Variants in PXDNL observed in about 807,000 individuals in gnomAD.
PXDNL encodes peroxidasin like.
Under a neutral mutation model 150.8 loss-of-function variants are expected in PXDNL, and 145 were observed. That is an observed-to-expected ratio of 0.96 (90% confidence interval 0.84 to 1.10). The LOEUF is 1.10. PXDNL is among the 50% of genes least tolerant of loss of function. PXDNL has a pLI of 0.00. For synonymous variants in PXDNL, 757 were observed against 725.7 expected (o/e 1.04, Z -0.69); for missense variants, 2,087 against 1,873.9 (o/e 1.11, Z -2.10).
chr8:51,550,760 A>C lies in PXDNL; in HGVS notation c.380+6080T>G, dbSNP rs1336648617. ...CACTACCCCTGAGAACTGGAACAAG[A>C]CAAGGAGGCTCACTTTCACCACTTT... On this transcript the variant is annotated intron_variant, in intron 4 of 22. Coordinates refer to ENST00000356297, the MANE Select transcript of PXDNL (RefSeq NM_144651.5). 2.6e-5 allele frequency among the ~76,000 whole-genome samples: 4 copies of C among 152,168 alleles called. No homozygotes were observed. The South Asian group carries it at 8.3e-4, about 32-fold the overall frequency.
intron 4 of PXDNL, among the ~76,000 whole-genome samples, chr8:51,546,224 T>C (rs951915203): frequency 6.6e-6 from 1 of 152,170 alleles, no homozygotes; most frequent in Non-Finnish European, 1.5e-5. Flanking sequence ...TGAACATGCA[T>C]TCCCACTGGG....
At chr8:51,430,346 C>T (rs1809220450) in intron 12 of PXDNL, among the ~76,000 whole-genome samples, 4 of 152,130 alleles carry the variant, frequency 2.6e-5, no homozygotes, top group Admixed American at 1.3e-4. Flanking sequence ...TTAAAAGATC[C>T]AATCCTTCAG....
At chr8:51,516,898 G>C (rs1301005522) in intron 4 of PXDNL, among the ~76,000 whole-genome samples, 1 of 152,128 alleles carries the variant, frequency 6.6e-6, no homozygotes, top group Non-Finnish European at 1.5e-5. Context: ...AAAAGAATTA[G>C]AAGCTAGCAA....
chr8:51,514,190 G>T (rs1733328095), intron 4 of PXDNL, among the ~76,000 whole-genome samples: 1 of 152,190 alleles, frequency 6.6e-6, no homozygotes, highest in Non-Finnish European at 1.5e-5. Flanking sequence ...GGAGCCATGA[G>T]AAATAAACTA....
At chr8:51,678,156 C>T (rs145701438) in intron 1 of PXDNL, among the ~76,000 whole-genome samples, 3 of 152,202 alleles carry the variant, frequency 2.0e-5, no homozygotes, top group African/African-American at 7.2e-5. Context: ...CCTGACGCAG[C>T]TCTGGCACTC....
In PXDNL at chr8:51,372,066, G is replaced by A. The variant is rs761975554; in HGVS notation, c.3708C>T (p.Asn1236=). 2.5e-6 allele frequency: 4 copies of A among 1,588,630 alleles called. No homozygotes were observed. In the South Asian group the frequency reaches 4.6e-5, roughly 18 times the overall value. ...GTTGTGCCGGGGTAAATACTCCAGG[G>A]TTTTCATACCAGAACCTGGTAGTCA... The part of the protein sequence containing the change: ...LRDGDRFWYE[N]PGVFTPAQLT... The change falls in exon 19 of 23, where the codon AAC becomes AAT. Residue 1236 remains asparagine (N), a synonymous_variant. Coordinates refer to ENST00000356297, the MANE Select transcript of PXDNL (RefSeq NM_144651.5).
At chr8:51,372,780 T>A (rs1807166474) in intron 18 of PXDNL, among the ~76,000 whole-genome samples, 1 of 152,236 alleles carries the variant, frequency 6.6e-6, no homozygotes, top group South Asian at 2.1e-4. Flanking sequence ...GCACTTTTGA[T>A]AATTAATATA....
intron 4 of PXDNL, among the ~76,000 whole-genome samples, chr8:51,540,023 C>T (rs71513530): frequency 6.6e-6 from 1 of 151,636 alleles, no homozygotes; most frequent in Admixed American, 6.6e-5. Context: ...CTCAGGTCTT[C>T]TGAGTACTGG....
chr8:51,551,713 A>G (rs1812489218), intron 4 of PXDNL, among the ~76,000 whole-genome samples: 1 of 152,236 alleles, frequency 6.6e-6, no homozygotes, highest in South Asian at 2.1e-4. Flanking sequence ...ACCTGAAACC[A>G]TAAAAATTCT....
chr8:51,571,857 TA>T (rs1424569868), intron 3 of PXDNL, among the ~76,000 whole-genome samples: 1 of 151,856 alleles, frequency 6.6e-6, no homozygotes, highest in Non-Finnish European at 1.5e-5. Flanking sequence ...TATACAAAAG[TA>T]AGATATTAAA....
chr8:51,643,117 C>T (rs1814811551), intron 2 of PXDNL, among the ~76,000 whole-genome samples: 1 of 152,048 alleles, frequency 6.6e-6, no homozygotes, highest in Admixed American at 6.6e-5. Flanking sequence ...GCCATACTGC[C>T]CAAGGTAATT....
At chr8:51,321,625 G>GCT (rs908643190) in intron 21 of PXDNL, among the ~76,000 whole-genome samples, 7 of 151,930 alleles carry the variant, frequency 4.6e-5, no homozygotes, top group Non-Finnish European at 5.9e-5. Context: ...TCCCCCATTT[G>GCT]CTCTCTCTCT....
chr8:51,393,223 C>A (rs908833254), intron 17 of PXDNL, among the ~76,000 whole-genome samples: 2 of 152,200 alleles, frequency 1.3e-5, no homozygotes, highest in African/African-American at 2.4e-5. Context: ...GAGACCAATG[C>A]AGATTCACTT....
At chr8:51,653,539 T>C (rs867205515) in intron 2 of PXDNL, among the ~76,000 whole-genome samples, 7 of 152,196 alleles carry the variant, frequency 4.6e-5, no homozygotes, top group South Asian at 2.1e-4. Flanking sequence ...AGGAAATGTT[T>C]TCGTACATTG....
chr8:51,742,429 T>C (rs1334490998), intron 1 of PXDNL, among the ~76,000 whole-genome samples: 1 of 152,194 alleles, frequency 6.6e-6, no homozygotes, highest in Non-Finnish European at 1.5e-5. Flanking sequence ...CCCTGGATTA[T>C]GTCAGTGTTA....
chr8:51,683,991 T>G (rs772704872), intron 1 of PXDNL, among the ~76,000 whole-genome samples: 2 of 152,106 alleles, frequency 1.3e-5, no homozygotes, highest in Admixed American at 1.3e-4. Context: ...TAAAATAATG[T>G]ATAAAAGAAA....
chr8:51,452,535 TG>T (rs1358081979), intron 10 of PXDNL, among the ~76,000 whole-genome samples: 1 of 152,188 alleles, frequency 6.6e-6, no homozygotes, highest in Admixed American at 6.5e-5. Flanking sequence ...AAGACTAGGC[TG>T]GAGGAAGCCT....
chr8:51,639,525 C>A (rs1410241062), intron 2 of PXDNL, among the ~76,000 whole-genome samples: 1 of 152,128 alleles, frequency 6.6e-6, no homozygotes, highest in Non-Finnish European at 1.5e-5. Context: ...GGGGATATCA[C>A]CACCGATCCC....
intron 5 of PXDNL, among the ~76,000 whole-genome samples, chr8:51,486,883 C>G (rs1009284452): frequency 6.6e-5 from 9 of 136,472 alleles, no homozygotes; most frequent in Admixed American, 6.5e-4. Context: ...TCACTGAAAC[C>G]TCCGCCTCCT....
Sources: allele counts gnomAD v4.1 joint callset (sites outside exome capture counted in the v4.1 genomes callset), GRCh38; gene constraint gnomAD v4.1.1; transcripts MANE v1.5; gene names NCBI Gene and HGNC (gene_info 2026-07-23, HGNC 2026-07-21).